Variants in PCDHGA2 observed in about 807,000 individuals in gnomAD.
PCDHGA2 encodes protocadherin gamma subfamily A, 2, also known as protocadherin gamma-A2.
Under a neutral mutation model 59.2 loss-of-function variants are expected in PCDHGA2, and 40 were observed. That is an observed-to-expected ratio of 0.68 (90% CI 0.52 to 0.88). The LOEUF is 0.88. PCDHGA2 is among the 40% of genes least tolerant of loss of function. The pLI, the probability that PCDHGA2 is intolerant of heterozygous loss-of-function variation, is 0.00. For missense variants in PCDHGA2, 1,226 were observed against 1,204.0 expected, an observed-to-expected ratio of 1.02 and a Z score of -0.27; for synonymous variants, 560 against 526.0, an observed-to-expected ratio of 1.06 and a Z score of -0.89.
chr5:141,445,621 G>A (rs1216813961), intron 1 of PCDHGA2, among the ~76,000 whole-genome samples: 4 of 151,996 alleles, frequency 2.6e-5, no homozygotes, highest in African/African-American at 7.2e-5. Flanking sequence ...TCTTTTTTTC[G>A]GAAAGTGATA....
In PCDHGA2 at chr5:141,404,687, C is replaced by T. The variant is rs190249934; in HGVS notation, c.2424+63292C>T. 2,728 of 1,614,088 alleles carry T rather than the reference C, an allele frequency of 1.7e-3. 3 individuals carry two copies. Among genetic ancestry groups the T allele is most frequent in the Non-Finnish European group, 2.2e-3 (2,615 of 1,179,946 alleles). On this transcript the variant is annotated intron_variant, in intron 1 of 3. Coordinates refer to ENST00000394576, the MANE Select transcript of PCDHGA2 (RefSeq NM_018915.4). ...TGGTTCTACTGGTGTGGAGCTGGCA[C>T]CCCGCTCTGCAGAGCCTGGCTACCT...
chr5:141,489,592 C>A lies in PCDHGA2; in HGVS notation c.2425-5215C>A, dbSNP rs747085985. On this transcript the variant is annotated intron_variant, in intron 1 of 3. Coordinates refer to ENST00000394576, the MANE Select transcript of PCDHGA2 (RefSeq NM_018915.4). The surrounding 1 kb of genome is among the most constrained non-coding windows in gnomAD (Gnocchi z 4.5). ...GACTGAACACCCCCTGGAGCTAATCCGTGTAGAGGTAGAGATCCTGGATCT... is the reference window on the plus strand; with the variant it reads ...GACTGAACACCCCCTGGAGCTAATCAGTGTAGAGGTAGAGATCCTGGATCT... 3 of 1,614,046 alleles carry A rather than the reference C, an allele frequency of 1.9e-6. No homozygotes were observed. Among genetic ancestry groups the A allele is most frequent in the Non-Finnish European group, 2.5e-6 (3 of 1,179,978 alleles).
rs762433242 is a variant in PCDHGA2, at chr5:141,476,856, C to A, written c.2425-17951C>A. 2.5e-6 allele frequency: 4 copies of A among 1,613,762 alleles called. No individual in the cohort carries two copies. In the East Asian group the frequency reaches 6.7e-5, roughly 27 times the overall value. ...GACAATGCGCCTGTCTTCAACCAGTCCTTGTACCGGGCGCGCGTCCTGGAG... is the reference window on the plus strand; with the variant it reads ...GACAATGCGCCTGTCTTCAACCAGTACTTGTACCGGGCGCGCGTCCTGGAG... On this transcript the variant is annotated intron_variant, in intron 1 of 3. Coordinates refer to ENST00000394576, the MANE Select transcript of PCDHGA2 (RefSeq NM_018915.4). This position sits in a 1 kb window ranked among gnomAD's most constrained non-coding sequence, Gnocchi z 7.6.
At chr5:141,390,867 C>CATGT in intron 1 of PCDHGA2, 1 of 151,040 alleles carries the variant, frequency 6.6e-6, no homozygotes, top group East Asian at 1.9e-4. Flanking sequence ...GCTGTGTGTG[C>CATGT]GTGTGTGTGT....
intron 1 of PCDHGA2, chr5:141,351,867 C>A: frequency 1.2e-6 from 2 of 1,613,254 alleles, no homozygotes; most frequent in Non-Finnish European, 1.7e-6. Context: ...CAGGGCTCCC[C>A]CGCGCTCAGC....
At chr5:141,406,836 TC>T (rs2094857566) in intron 1 of PCDHGA2, among the ~76,000 whole-genome samples, 1 of 152,232 alleles carries the variant, frequency 6.6e-6, no homozygotes, top group Non-Finnish European at 1.5e-5. Context: ...AACTTGCATA[TC>T]AGATATAATT....
intron 3 of PCDHGA2, among the ~76,000 whole-genome samples, chr5:141,507,479 C>T (rs1050741571): frequency 1.3e-5 from 2 of 152,198 alleles, no homozygotes; most frequent in East Asian, 1.9e-4. Flanking sequence ...GACTGCTGGC[C>T]TCCTGAGGCA....
At chr5:141,509,310 G>A (rs1223508453) in intron 3 of PCDHGA2, among the ~76,000 whole-genome samples, 2 of 152,174 alleles carry the variant, frequency 1.3e-5, no homozygotes, top group Non-Finnish European at 1.5e-5. Flanking sequence ...GAGGGAGGCT[G>A]GGAGAGAAGC....
At chr5:141,437,832 G>A (rs929534984) in intron 1 of PCDHGA2, among the ~76,000 whole-genome samples, 2 of 151,794 alleles carry the variant, frequency 1.3e-5, no homozygotes, top group Admixed American at 1.3e-4. Context: ...CTGCCTCCTG[G>A]GTTCATGCTA....
intron 1 of PCDHGA2, chr5:141,389,414 G>A (rs2091750366): frequency 6.2e-7 from 1 of 1,613,464 alleles, no homozygotes; most frequent in Non-Finnish European, 8.5e-7. Context: ...CGGAGAGCGG[G>A]GTGGTGTTCG....
chr5:141,364,481 G>A, intron 1 of PCDHGA2: 2 of 1,614,028 alleles, frequency 1.2e-6, no homozygotes, highest in Non-Finnish European at 1.7e-6. Context: ...CATAGCCAAG[G>A]ACCTTGGGCT....
intron 1 of PCDHGA2, chr5:141,418,394 T>C: frequency 6.2e-7 from 1 of 1,614,020 alleles, no homozygotes; most frequent in Non-Finnish European, 8.5e-7. Flanking sequence ...CGAGTATTTC[T>C]CATTGGTGGA....
chr5:141,383,872 C>T, intron 1 of PCDHGA2: 1 of 1,613,908 alleles, frequency 6.2e-7, no homozygotes, highest in Non-Finnish European at 8.5e-7. Flanking sequence ...TCAAGATGGT[C>T]CTGGTAGTCT....
intron 1 of PCDHGA2, chr5:141,422,369 G>A (rs890803753): frequency 6.4e-7 from 1 of 1,566,400 alleles, no homozygotes; most frequent in Non-Finnish European, 8.6e-7. Flanking sequence ...GGAGAAAATG[G>A]TCAAGTCTCC....
chr5:141,421,272 G>A, intron 1 of PCDHGA2: 1 of 1,612,340 alleles, frequency 6.2e-7, no homozygotes, highest in Non-Finnish European at 8.5e-7. Context: ...GGCTGCTGCT[G>A]CTGCTGTGCA....
chr5:141,447,136 T>TTTTTTG (rs1304915683), intron 1 of PCDHGA2, among the ~76,000 whole-genome samples: 1 of 152,090 alleles, frequency 6.6e-6, no homozygotes, highest in Non-Finnish European at 1.5e-5. Context: ...TGTTTGTTTG[T>TTTTTTG]TTTTTGTTTT....
At position 141,339,624 on chromosome 5, in the gene PCDHGA2, G is replaced by T. The variant is rs370928859; in HGVS notation, c.653G>T (p.Gly218Val). The change falls in exon 1 of 4, where the codon GGT (glycine) becomes GTT (valine). Residue 218 changes from glycine to valine, a missense_variant. By Grantham distance (109) the Gly-to-Val change is moderately radical. Coordinates refer to ENST00000394576, the MANE Select transcript of PCDHGA2 (RefSeq NM_018915.4). ...CTCGTTCTCGTGGCTTCTGATGGGG[G>T]TGACCCAGTGCTATCTGGCACCTCC... Reference protein sequence around the residue: ...HHLVLVASDGGDPVLSGTSRI... With the variant: ...HHLVLVASDGVDPVLSGTSRI... 4 of 1,614,194 alleles carry T rather than the reference G, an allele frequency of 2.5e-6. No individual in the cohort carries two copies. The highest frequency in any genetic ancestry group is 2.2e-5 in the East Asian group (1 of 44,874).
At chr5:141,427,869 AC>A in intron 1 of PCDHGA2, 1 of 1,559,604 alleles carries the variant, frequency 6.4e-7, no homozygotes, top group Non-Finnish European at 8.8e-7. Context: ...CTTCGAGCTC[AC>A]GATGCAGGCC....
chr5:141,399,460 G>A, intron 1 of PCDHGA2: 1 of 1,613,962 alleles, frequency 6.2e-7, no homozygotes, highest in Middle Eastern at 1.6e-4. Context: ...CAACGATAAC[G>A]CTCCGGTTTT....
Sources: gnomAD v4.1 joint callset for allele counts (sites outside exome capture counted in the v4.1 genomes callset) on GRCh38, gnomAD v4.1.1 for gene constraint, Gnocchi (gnomAD v3.1) non-coding constraint, MANE v1.5 for transcripts, NCBI Gene and HGNC (gene_info 2026-07-23, HGNC 2026-07-21) for gene names.